Variants in CROT observed in about 807,000 individuals in gnomAD.
CROT encodes peroxisomal carnitine O-octanoyltransferase.
In CROT, 84 loss-of-function variants were observed where a neutral mutation model predicts 89.2. The ratio of observed to expected loss-of-function variants is 0.94; its 90% CI spans 0.79 to 1.13. CROT has a LOEUF of 1.13. Ranked by LOEUF, CROT falls within the 50% of genes most tolerant of loss-of-function variation. CROT has a pLI of 0.00. For missense variants in CROT, 711 were observed against 727.8 expected (o/e 0.98, Z 0.27); for synonymous variants, 212 against 239.5 (o/e 0.89, Z 1.06).
At position 87,391,773 on chromosome 7, in the gene CROT, G is replaced by A. The variant is rs1389184383; in HGVS notation, c.1425+61G>A. The A allele has an allele frequency of 7.2e-6, 11 of 1,523,954 alleles. No homozygotes were observed. In the East Asian group the frequency reaches 1.2e-4, roughly 16 times the overall value. 94.4% of individuals were successfully genotyped at this position (1,523,954 alleles called of 1,614,324 possible). On this transcript the variant is annotated intron_variant, in intron 14 of 17. Coordinates refer to ENST00000331536, the MANE Select transcript of CROT (RefSeq NM_021151.4). ...GTTTAATTGTTCTAAAGGAACCGTG[G>A]TCTTTGAGTAACTAACTTCTTTGCT...
chr7:87,353,301 C>T (rs1394506595), intron 3 of CROT, among the ~76,000 whole-genome samples: 3 of 152,008 alleles, frequency 2.0e-5, no homozygotes, highest in African/African-American at 4.8e-5. Context: ...TCATGCACCA[C>T]CATGCCCAGC....
intron 3 of CROT, chr7:87,357,708 T>C (rs1040002873): frequency 1.6e-6 from 1 of 615,206 alleles, no homozygotes; most frequent in African/African-American, 1.8e-5. Context: ...GTTTTTCTTA[T>C]ATAGAGCCTT....
intron 6 of CROT, among the ~76,000 whole-genome samples, chr7:87,365,348 G>A (rs1158893748): frequency 1.3e-5 from 2 of 152,088 alleles, no homozygotes; most frequent in Non-Finnish European, 2.9e-5. Flanking sequence ...AATTTAGCTG[G>A]GCACAGTGGC....
intron 3 of CROT, among the ~76,000 whole-genome samples, chr7:87,353,456 T>G (rs1805944567): frequency 6.6e-6 from 1 of 152,176 alleles, no homozygotes; most frequent in Non-Finnish European, 1.5e-5. Context: ...GCCCTTTAAC[T>G]GATTCTTTTC....
chr7:87,390,714 T>G (rs1807332464), intron 13 of CROT, among the ~76,000 whole-genome samples: 1 of 152,244 alleles, frequency 6.6e-6, no homozygotes, highest in Non-Finnish European at 1.5e-5. Context: ...CCTGGGGAAC[T>G]TCTTAAATTA....
At chr7:87,346,119 C>G (rs1805663568) in intron 1 of CROT, among the ~76,000 whole-genome samples, 1 of 152,182 alleles carries the variant, frequency 6.6e-6, no homozygotes, top group Non-Finnish European at 1.5e-5. Context: ...TTGAACCCGT[C>G]TAATGGAAGG....
rs7800840 is a variant in CROT, at chr7:87,357,746, C to T, written c.116-1460C>T. On this transcript the variant is annotated intron_variant, in intron 3 of 17. Transcript: ENST00000331536. ...TCTATGTAAAGACTAAACTAAGCTACGTCTACATGTGGGTGAGCAGACAAC... is the reference window on the plus strand; with the variant it reads ...TCTATGTAAAGACTAAACTAAGCTATGTCTACATGTGGGTGAGCAGACAAC... Among the ~76,000 whole-genome samples, 1,122 of 152,280 alleles carry T rather than the reference C, an allele frequency of 7.4e-3. 13 individuals are homozygous for T. Among genetic ancestry groups the T allele is most frequent in the African/African-American group, 0.025 (1,050 of 41,564 alleles).
intron 7 of CROT, 146 bp downstream of exon 7, chr7:87,369,630 A>AT: frequency 2.8e-6 from 1 of 355,412 alleles, no homozygotes; most frequent in Non-Finnish European, 5.0e-6. Context: ...ATCTATTTGT[A>AT]TTTTTTATTT....
chr7:87,369,732 C>G (rs1239171290), intron 7 of CROT: 1 of 174,634 alleles, frequency 5.7e-6, no homozygotes, highest in East Asian at 1.4e-4. Context: ...ATTCCCTGCC[C>G]CAGAATTAAT....
chr7:87,350,434 T>TTGTA (rs896403447), intron 3 of CROT, among the ~76,000 whole-genome samples: 27 of 152,138 alleles, frequency 1.8e-4, no homozygotes, highest in African/African-American at 6.0e-4. Context: ...GAGCTTTTAT[T>TTGTA]TGTAATTCAA....
intron 17 of CROT, among the ~76,000 whole-genome samples, chr7:87,394,620 C>A (rs1249516437): frequency 6.6e-6 from 1 of 150,996 alleles, no homozygotes; most frequent in Admixed American, 6.6e-5. Flanking sequence ...AAAACTTTGC[C>A]GTTTGCAAAA....
At chr7:87,393,789 A>G (rs1807442015) in intron 17 of CROT, among the ~76,000 whole-genome samples, 2 of 152,210 alleles carry the variant, frequency 1.3e-5, no homozygotes. Flanking sequence ...AATATGCATG[A>G]CATATTTCAG....
At chr7:87,389,731 C>T (rs1399313330) in intron 13 of CROT, among the ~76,000 whole-genome samples, 1 of 152,108 alleles carries the variant, frequency 6.6e-6, no homozygotes, top group African/African-American at 2.4e-5. Context: ...TGTAATAAAC[C>T]TGCACATTCT....
intron 10 of CROT, among the ~76,000 whole-genome samples, chr7:87,379,588 C>G (rs2115989738): frequency 6.6e-6 from 1 of 152,314 alleles, no homozygotes; most frequent in South Asian, 2.1e-4. Context: ...TTGTCTGTCT[C>G]TGAATAAAGA....
At chr7:87,351,035 G>T (rs1230449922) in intron 3 of CROT, among the ~76,000 whole-genome samples, 1 of 152,130 alleles carries the variant, frequency 6.6e-6, no homozygotes, top group Non-Finnish European at 1.5e-5. Flanking sequence ...TTGGCTAGGT[G>T]TGGTAGCTCA....
chr7:87,366,594 C>T (rs144553710), intron 6 of CROT, among the ~76,000 whole-genome samples: 1 of 152,236 alleles, frequency 6.6e-6, no homozygotes, highest in Non-Finnish European at 1.5e-5. Context: ...CTCAGCTGTT[C>T]CTTTGGCCAC....
At chr7:87,371,147 A>C (rs899095702) in intron 7 of CROT, among the ~76,000 whole-genome samples, 18 of 152,096 alleles carry the variant, frequency 1.2e-4, no homozygotes, top group African/African-American at 3.4e-4. Context: ...GTTTTAAAAA[A>C]TTTTTCCCTA....
At chr7:87,364,014 T>C (rs900077390) in intron 6 of CROT, among the ~76,000 whole-genome samples, 4 of 152,250 alleles carry the variant, frequency 2.6e-5, no homozygotes, top group East Asian at 3.9e-4. Flanking sequence ...GGTACGTAGG[T>C]AGATTCATGA....
intron 7 of CROT, among the ~76,000 whole-genome samples, chr7:87,372,636 A>T (rs762215472): frequency 6.6e-6 from 1 of 152,182 alleles, no homozygotes; most frequent in Non-Finnish European, 1.5e-5. Context: ...ACAACTACCA[A>T]TCTACTTTCT....
Sources: gnomAD v4.1 joint callset for allele counts (sites outside exome capture counted in the v4.1 genomes callset) on GRCh38, gnomAD v4.1.1 for gene constraint, MANE v1.5 for transcripts, NCBI Gene and HGNC (gene_info 2026-07-23, HGNC 2026-07-21) for gene names.